Variants in SMOC1 observed in about 807,000 individuals in gnomAD.
SMOC1 encodes SPARC related modular calcium binding 1.
Under a neutral mutation model 56.3 loss-of-function variants are expected in SMOC1, and 22 were observed. The observed-to-expected ratio is 0.39, with a 90% CI of 0.28 to 0.56. The LOEUF is 0.56. Ranked by LOEUF, SMOC1 falls within the 20% of genes least tolerant of loss-of-function variation. The probability of loss-of-function intolerance (pLI) is 0.61; values close to 1 mark genes in which losing one functional copy is unlikely to be tolerated. For missense variants in SMOC1, 509 were observed against 565.4 expected (o/e 0.90, Z 1.01); for synonymous variants, 193 against 215.0 (o/e 0.90, Z 0.89).
intron 1 of SMOC1, among the ~76,000 whole-genome samples, chr14:69,880,581 C>G (rs1566658681): frequency 6.6e-6 from 1 of 151,904 alleles, no homozygotes; most frequent in Non-Finnish European, 1.5e-5. Context: ...GCAACACCCC[C>G]CACCAATTGG....
At chr14:69,984,061 T>C (rs924412095) in intron 5 of SMOC1, among the ~76,000 whole-genome samples, 1 of 152,256 alleles carries the variant, frequency 6.6e-6, no homozygotes, top group African/African-American at 2.4e-5. Context: ...GGAACCATTT[T>C]ATCTGATTTT....
At chr14:69,977,997 T>C in intron 5 of SMOC1, 32 bp downstream of exon 5, 3 of 1,597,630 alleles carry the variant, frequency 1.9e-6, no homozygotes, top group Non-Finnish European at 2.6e-6. Context: ...ATCTAAATGT[T>C]TGCTTCCAAA....
intron 5 of SMOC1, among the ~76,000 whole-genome samples, chr14:69,989,283 A>G (rs1314605044): frequency 1.3e-5 from 2 of 152,196 alleles, no homozygotes; most frequent in Admixed American, 6.5e-5. Flanking sequence ...CTTCCTAATG[A>G]TTAACAATGT....
rs1156494545 is a variant in SMOC1, at chr14:69,879,555, A to T, written c.-124A>T. On this transcript the variant is annotated 5_prime_UTR_variant, in exon 1 of 12. Transcript: ENST00000361956. ...CGCAGCCTCTGCGAGCCCCCGCCGCAGGACCACGGCCCGCTCCCCGCCGCC... is the reference window on the plus strand; with the variant it reads ...CGCAGCCTCTGCGAGCCCCCGCCGCTGGACCACGGCCCGCTCCCCGCCGCC... 1 of 676,422 alleles carries T rather than the reference A, an allele frequency of 1.5e-6. No individual in the cohort carries two copies. Among genetic ancestry groups the T allele is most frequent in the Non-Finnish European group, 2.2e-6 (1 of 461,380 alleles). 41.9% of individuals were successfully genotyped at this position (676,422 alleles called of 1,614,324 possible).
intron 3 of SMOC1, among the ~76,000 whole-genome samples, chr14:69,958,927 T>C (rs554906484): frequency 6.6e-6 from 1 of 152,290 alleles, no homozygotes; most frequent in East Asian, 1.9e-4. Context: ...AACCAGATAA[T>C]TAAGATGATA....
chr14:70,020,701 G>A (rs1317987234), intron 10 of SMOC1, among the ~76,000 whole-genome samples: 1 of 152,216 alleles, frequency 6.6e-6, no homozygotes, highest in Non-Finnish European at 1.5e-5. Context: ...GCACTGGGAG[G>A]CCTTGATGGG....
intron 7 of SMOC1, among the ~76,000 whole-genome samples, chr14:69,998,040 GT>G (rs1343648767): frequency 6.6e-6 from 1 of 152,304 alleles, no homozygotes; most frequent in East Asian, 1.9e-4. Flanking sequence ...GATTGTTGAT[GT>G]TGGAAAGGTT....
intron 1 of SMOC1, among the ~76,000 whole-genome samples, chr14:69,909,111 T>C (rs907298884): frequency 6.6e-6 from 1 of 152,080 alleles, no homozygotes; most frequent in Non-Finnish European, 1.5e-5. Context: ...TTTCCAACTA[T>C]ACCGAAAGAA....
At chr14:69,940,545 C>T (rs1363869240) in intron 1 of SMOC1, among the ~76,000 whole-genome samples, 1 of 152,168 alleles carries the variant, frequency 6.6e-6, no homozygotes, top group African/African-American at 2.4e-5. Context: ...ACAAACCCTT[C>T]CTATCAGATG....
Position 69,912,919 on chromosome 14 carries a change from G to A in SMOC1, c.99+33142G>A, listed in dbSNP as rs373070017. On this transcript the variant is annotated intron_variant, in intron 1 of 11. Coordinates refer to ENST00000361956, the MANE Select transcript of SMOC1 (RefSeq NM_001034852.3). ...CCTTATTTCACTAGGAAATATCCAG[G>A]CCTGTTTATTTTTCACTTTAAACAC... 2.5e-4 allele frequency among the ~76,000 whole-genome samples: 38 copies of A among 152,244 alleles called. 2 individuals carry two copies. In the South Asian group the frequency reaches 7.7e-3, roughly 31 times the overall value.
At chr14:69,887,803 C>T (rs377032955) in intron 1 of SMOC1, among the ~76,000 whole-genome samples, 1 of 152,172 alleles carries the variant, frequency 6.6e-6, no homozygotes, top group African/African-American at 2.4e-5. Context: ...ATTCACCCTG[C>T]AGAGTGGAAG....
At chr14:69,956,419 CT>C (rs1201138748) in intron 3 of SMOC1, among the ~76,000 whole-genome samples, 1 of 149,402 alleles carries the variant, frequency 6.7e-6, no homozygotes, top group Non-Finnish European at 1.5e-5. Context: ...ATGCTTTCTC[CT>C]TTCTCCAACC....
intron 3 of SMOC1, among the ~76,000 whole-genome samples, chr14:69,956,213 G>A (rs1477349523): frequency 6.6e-6 from 1 of 152,254 alleles, no homozygotes; most frequent in Non-Finnish European, 1.5e-5. Flanking sequence ...GCACTGCCAT[G>A]TGTCTGTAGG....
chr14:69,954,004 A>AGTGT (rs772795054), intron 3 of SMOC1, among the ~76,000 whole-genome samples: 5 of 151,208 alleles, frequency 3.3e-5, no homozygotes, highest in Admixed American at 2.6e-4. Flanking sequence ...TGGTTCTTGG[A>AGTGT]GTGTGTGAGT....
chr14:69,961,268 TTG>T lies in SMOC1; in HGVS notation c.378+7740_378+7741del, dbSNP rs1224284362. ...CTTTTTATTGTCAAGCAATATTCTATTGTGTATATATATATATATATATATAT... is the reference window on the plus strand; with the variant it reads ...CTTTTTATTGTCAAGCAATATTCTATTGTATATATATATATATATATATAT... On this transcript the variant is annotated intron_variant, in intron 3 of 11. Transcript: ENST00000361956. 2.0e-3 allele frequency among the ~76,000 whole-genome samples: 183 copies of T among 89,690 alleles called. 4 individuals carry two copies. The highest frequency in any genetic ancestry group is 0.019 in the Middle Eastern group (3 of 162). The allele number at this position is 89,690 out of a possible 152,430, so 58.8% of individuals were successfully genotyped here. A position where few individuals can be genotyped will look rare whatever the true frequency, so the allele number is the denominator to read the frequency against.
intron 1 of SMOC1, among the ~76,000 whole-genome samples, chr14:69,945,932 C>A (rs921900244): frequency 3.9e-5 from 6 of 152,076 alleles, no homozygotes; most frequent in African/African-American, 1.4e-4. Flanking sequence ...CAGAAAAATA[C>A]CTGTTTAGAT....
chr14:69,888,373 A>G (rs1341360682), intron 1 of SMOC1, among the ~76,000 whole-genome samples: 2 of 152,202 alleles, frequency 1.3e-5, no homozygotes, highest in African/African-American at 4.8e-5. Flanking sequence ...GGCCACATCT[A>G]AGCTTGTTAG....
rs77563682 is a variant in SMOC1 at position 70,013,585 on chromosome 14, G to C, written c.1046+94G>C. 8,411 of 1,048,312 alleles carry C rather than the reference G, an allele frequency of 8.0e-3. 349 individuals are homozygous for C. In the African/African-American group the frequency reaches 0.11, roughly 13 times the overall value. The allele number at this position is 1,048,312 out of a possible 1,614,324, so 64.9% of individuals were successfully genotyped here. On this transcript the variant is annotated intron_variant, in intron 10 of 11. Coordinates refer to ENST00000361956, the MANE Select transcript of SMOC1 (RefSeq NM_001034852.3). Reference sequence around the variant, plus strand: ...GAGGGTGAGAGAGTGGGCAGGGTTTGAGGAGGGCAAGGGCTGGAAGTTGAT... The same window carrying C: ...GAGGGTGAGAGAGTGGGCAGGGTTTCAGGAGGGCAAGGGCTGGAAGTTGAT...
chr14:70,030,098 A>G (rs1886083827), intron 11 of SMOC1, 144 bp from the exon 12 acceptor site: 1 of 1,221,242 alleles, frequency 8.2e-7, no homozygotes, highest in African/African-American at 1.5e-5. Flanking sequence ...CTAGCCTCAT[A>G]GAGGACAGCA....
Sources: allele counts gnomAD v4.1 joint callset (sites outside exome capture counted in the v4.1 genomes callset), GRCh38; gene constraint gnomAD v4.1.1; transcripts MANE v1.5; gene names NCBI Gene and HGNC (gene_info 2026-07-23, HGNC 2026-07-21).